UTS2B: variants seen among roughly 807,000 people sequenced by gnomAD.
UTS2B encodes urotensin-2B.
In UTS2B, 21 loss-of-function variants were observed where a neutral mutation model predicts 19.2. The observed-to-expected ratio is 1.09, with a 90% CI of 0.78 to 1.58. The LOEUF (loss-of-function observed/expected upper bound fraction) is 1.58, where lower values mean the gene tolerates loss of function less well. Ranked by LOEUF, UTS2B falls within the 40% of genes most tolerant of loss-of-function variation. The pLI is 0.00. For missense variants in UTS2B, 138 were observed against 130.3 expected, an observed-to-expected ratio of 1.06 and a Z score of -0.29; for synonymous variants, 57 against 50.2, an observed-to-expected ratio of 1.14 and a Z score of -0.58.
chr3:191,307,940 A>C (rs984116461), intron 3 of UTS2B, among the ~76,000 whole-genome samples: 1 of 150,682 alleles, frequency 6.6e-6, no homozygotes, highest in Non-Finnish European at 1.5e-5. Flanking sequence ...GGTTAAAGCA[A>C]TTCTCCTGCC....
the UTS2B span, among the ~76,000 whole-genome samples, chr3:191,343,204 C>T: frequency 6.6e-6 from 1 of 152,122 alleles, no homozygotes; most frequent in Non-Finnish European, 1.5e-5. Context: ...CACGTATACC[C>T]AGGGATGACT....
At chr3:191,317,052 T>A (rs1215217325) in intron 2 of UTS2B, among the ~76,000 whole-genome samples, 2 of 152,208 alleles carry the variant, frequency 1.3e-5, no homozygotes, top group Non-Finnish European at 2.9e-5. Context: ...ACGTGGCGCC[T>A]TGGAGCAGGG....
intron 3 of UTS2B, among the ~76,000 whole-genome samples, chr3:191,312,600 T>A (rs1466397031): frequency 6.6e-6 from 1 of 152,242 alleles, no homozygotes; most frequent in Non-Finnish European, 1.5e-5. Context: ...CTAATGCCCT[T>A]CCTTCTACCC....
chr3:191,271,251 C>T (rs1295980518), intron 8 of UTS2B, among the ~76,000 whole-genome samples: 1 of 147,842 alleles, frequency 6.8e-6, no homozygotes. Flanking sequence ...CTGAAACTCA[C>T]CAGATCACCC....
At chr3:191,278,241 G>C in intron 5 of UTS2B, 71 bp from the exon 6 acceptor site, 1 of 762,392 alleles carries the variant, frequency 1.3e-6, no homozygotes. Context: ...TGGTCTTACA[G>C]GCTACTATCA....
At chr3:191,289,447 T>TAAATAAA (rs1206575948) in intron 4 of UTS2B, among the ~76,000 whole-genome samples, 1 of 144,584 alleles carries the variant, frequency 6.9e-6, no homozygotes, top group African/African-American at 2.5e-5. Flanking sequence ...AATAAATAAA[T>TAAATAAA]AAAAAACAAA....
chr3:191,320,559 AG>A (rs1487401885), intron 2 of UTS2B, among the ~76,000 whole-genome samples: 17 of 152,222 alleles, frequency 1.1e-4, no homozygotes, highest in Non-Finnish European at 1.8e-4. Flanking sequence ...AGTAAACTCC[AG>A]GGGAATAAGA....
chr3:191,339,583 G>C, the UTS2B span, among the ~76,000 whole-genome samples: 1 of 152,130 alleles, frequency 6.6e-6, no homozygotes, highest in South Asian at 2.1e-4. Context: ...GAGAAATCTA[G>C]GGCATTTAGA....
At chr3:191,276,878 C>A in intron 6 of UTS2B, 34 bp from the exon 7 acceptor site, 1 of 1,597,748 alleles carries the variant, frequency 6.3e-7, no homozygotes. Flanking sequence ...AAAAAACGTA[C>A]ATTGCAAGTA....
At chr3:191,274,582 G>A (rs1174420629) in intron 8 of UTS2B, among the ~76,000 whole-genome samples, 1 of 152,164 alleles carries the variant, frequency 6.6e-6, no homozygotes, top group Admixed American at 6.5e-5. Context: ...AATATAAAAT[G>A]TCTGGTATAT....
chr3:191,284,382 C>T (rs1054749470), intron 4 of UTS2B, among the ~76,000 whole-genome samples: 4 of 151,762 alleles, frequency 2.6e-5, no homozygotes, highest in Admixed American at 6.6e-5. Context: ...AGTACAGTGG[C>T]GTAATCATGG....
At chr3:191,308,666 C>G (rs1717209450) in intron 3 of UTS2B, among the ~76,000 whole-genome samples, 1 of 152,144 alleles carries the variant, frequency 6.6e-6, no homozygotes, top group African/African-American at 2.4e-5. Flanking sequence ...CCAAAAATGT[C>G]TCCAGACATT....
intron 3 of UTS2B, among the ~76,000 whole-genome samples, chr3:191,306,119 C>A (rs1032869173): frequency 7.2e-5 from 11 of 152,094 alleles, no homozygotes; most frequent in African/African-American, 2.4e-4. Context: ...CAGCTTTGTT[C>A]TTTTTGCTTA....
intron 8 of UTS2B, among the ~76,000 whole-genome samples, chr3:191,269,317 C>G (rs1057132769): frequency 6.6e-6 from 1 of 152,134 alleles, no homozygotes; most frequent in African/African-American, 2.4e-5. Context: ...ACACCGTAGC[C>G]CCTGTGCTTA....
the UTS2B span, among the ~76,000 whole-genome samples, chr3:191,340,555 G>A: frequency 6.6e-6 from 1 of 152,200 alleles, no homozygotes; most frequent in African/African-American, 2.4e-5. Context: ...TCTTGATGGT[G>A]ATAATTTGAT....
At chr3:191,302,384 C>A (rs1262154597) in intron 4 of UTS2B, among the ~76,000 whole-genome samples, 1 of 152,084 alleles carries the variant, frequency 6.6e-6, no homozygotes, top group Non-Finnish European at 1.5e-5. Context: ...AAGAAATAAC[C>A]ATAAACACAG....
intron 8 of UTS2B, among the ~76,000 whole-genome samples, chr3:191,274,160 C>T (rs1176643344): frequency 6.6e-6 from 1 of 151,852 alleles, no homozygotes; most frequent in Admixed American, 6.6e-5. Context: ...TCTGCCACTT[C>T]ATCCTTCACC....
intron 4 of UTS2B, among the ~76,000 whole-genome samples, chr3:191,287,311 T>C (rs183794105): frequency 4.7e-4 from 72 of 152,158 alleles, no homozygotes; most frequent in African/African-American, 1.7e-3. Flanking sequence ...AACAGAAAGC[T>C]ACAAGCCAAT....
At chr3:191,340,543 C>G in the UTS2B span, among the ~76,000 whole-genome samples, 3 of 152,170 alleles carry the variant, frequency 2.0e-5, no homozygotes, top group Non-Finnish European at 4.4e-5. Flanking sequence ...CCTTCATACC[C>G]TTCTTGATGG....
Sources: allele counts gnomAD v4.1 joint callset (sites outside exome capture counted in the v4.1 genomes callset), GRCh38; gene constraint gnomAD v4.1.1; transcripts MANE v1.5; gene names NCBI Gene and HGNC (gene_info 2026-07-23, HGNC 2026-07-21).